Variants in ABLIM2 observed in about 807,000 individuals in gnomAD.
The protein encoded by ABLIM2 is actin-binding LIM protein 2.
In ABLIM2, 53 loss-of-function variants were observed where a neutral mutation model predicts 97.7. That is an observed-to-expected ratio of 0.54 (90% CI 0.44 to 0.68). The LOEUF (loss-of-function observed/expected upper bound fraction) is 0.68, where lower values mean the gene tolerates loss of function less well. Ranked by LOEUF, ABLIM2 falls within the 30% of genes least tolerant of loss-of-function variation. The probability of loss-of-function intolerance (pLI) is 0.00; values close to 1 mark genes in which losing one functional copy is unlikely to be tolerated. For synonymous variants in ABLIM2, 361 were observed against 345.8 expected, an observed-to-expected ratio of 1.04 and a Z score of -0.49; for missense variants, 835 against 867.2, an observed-to-expected ratio of 0.96 and a Z score of 0.47.
At chr4:8,045,384 C>T (rs2151760094) in intron 8 of ABLIM2, 143 bp from the exon 9 acceptor site, 1 of 754,434 alleles carries the variant, frequency 1.3e-6, no homozygotes. Flanking sequence ...GGCACGGCGG[C>T]TCACGCCTAT....
intron 20 of ABLIM2, among the ~76,000 whole-genome samples, chr4:7,978,532 C>G (rs181821859): frequency 6.6e-6 from 1 of 152,226 alleles, no homozygotes; most frequent in Non-Finnish European, 1.5e-5. Context: ...CCCCTGGACG[C>G]TGCTGCTGGG....
intron 1 of ABLIM2, among the ~76,000 whole-genome samples, chr4:8,119,942 G>A (rs1017134121): frequency 2.0e-5 from 3 of 152,122 alleles, no homozygotes; most frequent in Non-Finnish European, 2.9e-5. Context: ...CAAGTCCTGC[G>A]GGTGGAGGTG....
In ABLIM2 at chr4:8,058,317, C is replaced by T. The variant is rs552465402; in HGVS notation, c.763+2650G>A. Among the ~76,000 whole-genome samples the T allele has an allele frequency of 1.3e-5, 2 of 152,214 alleles. No homozygotes were observed. The highest frequency in any genetic ancestry group is 2.4e-5 in the African/African-American group (1 of 41,462). ...CAGAGACTCAAGGAACAGGCGACAC[C>T]GGGGACGAGGCTGTCCTGTCTGACA... On this transcript the variant is annotated intron_variant, in intron 7 of 20. Transcript: ENST00000447017. This position sits in a 1 kb window ranked among gnomAD's most constrained non-coding sequence, Gnocchi z 4.2.
chr4:8,092,536 C>G (rs1026136475), intron 3 of ABLIM2, among the ~76,000 whole-genome samples: 5 of 152,150 alleles, frequency 3.3e-5, no homozygotes, highest in African/African-American at 4.8e-5. Flanking sequence ...TTCCTGGACT[C>G]CCTCTTTTCA....
intron 3 of ABLIM2, among the ~76,000 whole-genome samples, chr4:8,089,901 A>C (rs1826212930): frequency 6.6e-6 from 1 of 152,130 alleles, no homozygotes; most frequent in Admixed American, 6.5e-5. Context: ...TCTCCTGCCA[A>C]GTCCCTGCCT....
Position 8,003,628 on chromosome 4 carries a change from C to G in ABLIM2, c.1618+4431G>C, listed in dbSNP as rs1758887805. ...TCGCCCAGGCTGGAGTGCAATGGTG[C>G]AATCTCGGCTTACTGCAACCTCTGC... On this transcript the variant is annotated intron_variant, in intron 16 of 20. Transcript: ENST00000447017. This position sits in a 1 kb window ranked among gnomAD's most constrained non-coding sequence, Gnocchi z 4.2. Among the ~76,000 whole-genome samples the G allele has an allele frequency of 6.8e-6, 1 of 146,154 alleles. No homozygotes were observed. Among genetic ancestry groups the G allele is most frequent in the African/African-American group, 2.6e-5 (1 of 39,150 alleles).
At chr4:8,025,623 A>G (rs1444249689) in intron 12 of ABLIM2, among the ~76,000 whole-genome samples, 1 of 152,086 alleles carries the variant, frequency 6.6e-6, no homozygotes, top group Non-Finnish European at 1.5e-5. Flanking sequence ...GACGGTGGAC[A>G]CTCAGGACGG....
rs1031816930 is a variant in ABLIM2 at position 8,032,110 on chromosome 4, T to A, written c.1048-2334A>T. On this transcript the variant is annotated intron_variant, in intron 10 of 20. Coordinates refer to ENST00000447017, the MANE Select transcript of ABLIM2 (RefSeq NM_001130083.2). This position sits in a 1 kb window ranked among gnomAD's most constrained non-coding sequence, Gnocchi z 4.3. ...CCAGGCTGTCTATTCCTGGCTACCA[T>A]GACACCTTTCTGCTGTGGCCACCCG... is the stretch of plus-strand genomic sequence containing the variant. Among the ~76,000 whole-genome samples, 1 of 151,704 alleles carries A rather than the reference T, an allele frequency of 6.6e-6. No homozygotes were observed. The highest frequency in any genetic ancestry group is 2.4e-5 in the African/African-American group (1 of 41,238).
intron 8 of ABLIM2, among the ~76,000 whole-genome samples, chr4:8,049,292 C>A (rs555676027): frequency 6.6e-5 from 10 of 152,212 alleles, no homozygotes; most frequent in Non-Finnish European, 1.3e-4. Context: ...ACGCCTGAGG[C>A]GGGGGCATTT....
At chr4:8,056,871 G>C (rs1336710551) in intron 7 of ABLIM2, among the ~76,000 whole-genome samples, 1 of 134,624 alleles carries the variant, frequency 7.4e-6, no homozygotes, top group African/African-American at 2.8e-5. Context: ...GGCGGAGCTT[G>C]CAGTGAGCCA....
chr4:8,114,364 C>A (rs989524294), intron 1 of ABLIM2, among the ~76,000 whole-genome samples: 2 of 152,204 alleles, frequency 1.3e-5, no homozygotes, highest in African/African-American at 4.8e-5. Context: ...CGTACAGGCA[C>A]GCACACTTTG....
chr4:8,047,097 G>C (rs1437724057), intron 8 of ABLIM2, among the ~76,000 whole-genome samples: 1 of 152,224 alleles, frequency 6.6e-6, no homozygotes, highest in Non-Finnish European at 1.5e-5. Flanking sequence ...ACACCAGCGA[G>C]GATGGGCAAC....
Position 8,067,540 on chromosome 4 carries a change from G to A in ABLIM2, c.676-6486C>T, listed in dbSNP as rs1808762884. The A allele has an allele frequency of 6.6e-6, 1 of 152,226 alleles. No individual in the cohort carries two copies. Among genetic ancestry groups the A allele is most frequent in the Non-Finnish European group, 1.5e-5 (1 of 68,088 alleles). 9.4% of individuals were successfully genotyped at this position (152,226 alleles called of 1,614,324 possible). A position where few individuals can be genotyped will look rare whatever the true frequency, so the allele number is the denominator to read the frequency against. On this transcript the variant is annotated intron_variant, in intron 6 of 20. Transcript: ENST00000447017. This position sits in a 1 kb window ranked among gnomAD's most constrained non-coding sequence, Gnocchi z 5.4. ...AGCCGGCACCCTCACTCACAGTTCG[G>A]GCCACTCATAAAGTATGAGAGTCAA...
In ABLIM2 at chr4:7,984,847, C is replaced by T. The variant is rs1742307076; in HGVS notation, c.1727G>A (p.Gly576Asp). The T allele has an allele frequency of 1.9e-6, 3 of 1,603,938 alleles. No individual in the cohort carries two copies. The highest frequency in any genetic ancestry group is 2.2e-5 in the East Asian group (1 of 44,580). ...GTCCCCGCTCTGTGTACCTCGCATG[C>T]CCCAGCTGGCATCCGGGTCTGCTCC... is the stretch of plus-strand genomic sequence containing the variant. Reference protein sequence around the residue: ...PCGADPDASWGMREYKIYPYD... With the variant: ...PCGADPDASWDMREYKIYPYD... Residue 576 changes from glycine (G) to aspartate (D), a missense_variant, in exon 18 of 21, where the codon GGC (glycine) becomes GAC (aspartate). Physicochemically the swap from Gly to Asp is moderately conservative, Grantham distance 94. Coordinates refer to ENST00000447017, the MANE Select transcript of ABLIM2 (RefSeq NM_001130083.2).
At position 8,124,763 on chromosome 4, in the gene ABLIM2, G is replaced by A. The variant is rs1002551888; in HGVS notation, c.11-18126C>T. Among the ~76,000 whole-genome samples the A allele has an allele frequency of 2.0e-5, 3 of 152,108 alleles. No individual in the cohort carries two copies. The highest frequency in any genetic ancestry group is 7.2e-5 in the African/African-American group (3 of 41,398). On this transcript the variant is annotated intron_variant, in intron 1 of 20. Transcript: ENST00000447017. The surrounding 1 kb of genome is among the most constrained non-coding windows in gnomAD (Gnocchi z 6.1). ...TGGACATAGGTTTGCATGCTTTTTG[G>A]GTAGATACCCAGGAGTGGAGTTGCT...
At position 8,090,833 on chromosome 4, in the gene ABLIM2, A is replaced by G. The variant is rs138436622; in HGVS notation, c.339-2549T>C. Among the ~76,000 whole-genome samples the G allele has an allele frequency of 5.1e-4, 77 of 151,846 alleles. No individual in the cohort carries two copies. In the East Asian group the frequency reaches 0.014, roughly 27 times the overall value. ...CGATCCTTTGTTCCTTTGAGGACGG[A>G]GCAGTGTCCATCCCATGGATAAATC... On this transcript the variant is annotated intron_variant, in intron 3 of 20. Coordinates refer to ENST00000447017, the MANE Select transcript of ABLIM2 (RefSeq NM_001130083.2).
Position 8,087,982 on chromosome 4 carries a change from C to A in ABLIM2, c.454+187G>T, listed in dbSNP as rs1320424814. 7.9e-6 allele frequency among the ~76,000 whole-genome samples: 1 copy of A among 126,436 alleles called. No individual in the cohort carries two copies. The highest frequency in any genetic ancestry group is 2.9e-5 in the African/African-American group (1 of 34,210). The allele number at this position is 126,436 out of a possible 152,430, so 82.9% of individuals were successfully genotyped here. A position where few individuals can be genotyped will look rare whatever the true frequency, so the allele number is the denominator to read the frequency against. ...AGAGACCAAGCCCCCAACTCAGCACCCCCCCCACAACCAGCAAGCCCCCAC... is the reference window on the plus strand; with the variant it reads ...AGAGACCAAGCCCCCAACTCAGCACACCCCCCACAACCAGCAAGCCCCCAC... On this transcript the variant is annotated intron_variant, in intron 4 of 20. Coordinates refer to ENST00000447017, the MANE Select transcript of ABLIM2 (RefSeq NM_001130083.2). The surrounding 1 kb of genome is among the most constrained non-coding windows in gnomAD (Gnocchi z 4.6).
chr4:8,105,579 C>T (rs556081173), intron 2 of ABLIM2, among the ~76,000 whole-genome samples: 4 of 152,210 alleles, frequency 2.6e-5, no homozygotes, highest in Non-Finnish European at 4.4e-5. Flanking sequence ...AAAAGCAAAC[C>T]GTCAGCGCAC....
In ABLIM2 at chr4:8,146,207, G is replaced by A. The variant is rs1428625875; in HGVS notation, c.10+12473C>T. 3.3e-5 allele frequency among the ~76,000 whole-genome samples: 5 copies of A among 152,302 alleles called. No individual in the cohort carries two copies. In the East Asian group the frequency reaches 5.8e-4, roughly 18 times the overall value. Reference sequence around the variant, plus strand: ...CCATCTTTTATCAGCAGCTGTCAAAGTATGGTCTAGGGCAGTCCTCAGGAC... The same window carrying A: ...CCATCTTTTATCAGCAGCTGTCAAAATATGGTCTAGGGCAGTCCTCAGGAC... On this transcript the variant is annotated intron_variant, in intron 1 of 20. Transcript: ENST00000447017.
Sources: gnomAD v4.1 joint callset for allele counts (sites outside exome capture counted in the v4.1 genomes callset) on GRCh38, gnomAD v4.1.1 for gene constraint, Gnocchi (gnomAD v3.1) non-coding constraint, MANE v1.5 for transcripts, NCBI Gene and HGNC (gene_info 2026-07-23, HGNC 2026-07-21) for gene names.